MLXIPL: variants seen among roughly 807,000 people sequenced by gnomAD.
The protein encoded by MLXIPL is MLX interacting protein like, also known as carbohydrate-responsive element-binding protein.
Under a neutral mutation model 81.5 loss-of-function variants are expected in MLXIPL, and 49 were observed. The ratio of observed to expected loss-of-function variants is 0.60; its 90% CI spans 0.48 to 0.76. The LOEUF (loss-of-function observed/expected upper bound fraction) is 0.76, where lower values mean the gene tolerates loss of function less well. Ranked by LOEUF, MLXIPL falls within the 30% of genes least tolerant of loss-of-function variation. The pLI is 0.00. For missense variants in MLXIPL, 1,053 were observed against 1,167.0 expected (o/e 0.90, Z 1.42); for synonymous variants, 466 against 485.5 (o/e 0.96, Z 0.53).
At chr7:73,645,134 G>A in the MLXIPL span, among the ~76,000 whole-genome samples, 6 of 152,030 alleles carry the variant, frequency 3.9e-5, no homozygotes, top group South Asian at 2.1e-4. Context: ...TCAAGTGATC[G>A]TCCTGTGTCA....
In MLXIPL at chr7:73,593,760, C is replaced by G. The variant is rs1794034878; in HGVS notation, c.*105G>C. On this transcript the variant is annotated 3_prime_UTR_variant, in exon 17 of 17. Coordinates refer to ENST00000313375, the MANE Select transcript of MLXIPL (RefSeq NM_032951.3). ...TCCACCCCCCAGGGAAGGGCAGAGC[C>G]AGGGCCTGGGGCAGGAAGGGAGTGC... is the stretch of plus-strand genomic sequence containing the variant. 1 of 1,048,480 alleles carries G rather than the reference C, an allele frequency of 9.5e-7. No individual in the cohort carries two copies. The highest frequency in any genetic ancestry group is 1.5e-6 in the Non-Finnish European group (1 of 669,816). 64.9% of individuals were successfully genotyped at this position (1,048,480 alleles called of 1,614,324 possible).
At chr7:73,602,130 G>GCCTGCCTGCCTTCCTTCCTT (rs1461829446) in intron 7 of MLXIPL, among the ~76,000 whole-genome samples, 21 of 80,546 alleles carry the variant, frequency 2.6e-4, no homozygotes, top group African/African-American at 3.8e-4. Flanking sequence ...CTGCCTGCCT[G>GCCTGCCTGCCTTCCTTCCTT]CCTTCCTTCC....
At chr7:73,613,869 G>A (rs1377835495) in intron 2 of MLXIPL, among the ~76,000 whole-genome samples, 1 of 152,140 alleles carries the variant, frequency 6.6e-6, no homozygotes, top group African/African-American at 2.4e-5. Context: ...GGGTGTGGTG[G>A]CTCACGCCTA....
the MLXIPL span, among the ~76,000 whole-genome samples, chr7:73,638,306 ATTTAT>A: frequency 6.6e-6 from 1 of 151,970 alleles, no homozygotes; most frequent in South Asian, 2.1e-4. Context: ...AACACTTTAT[ATTTAT>A]TTTATTTTTT....
At chr7:73,646,820 A>G in the MLXIPL span, among the ~76,000 whole-genome samples, 7 of 152,160 alleles carry the variant, frequency 4.6e-5, no homozygotes, top group East Asian at 1.2e-3. Context: ...TGAGTGTAAG[A>G]TAAGTTCTTG....
the MLXIPL span, among the ~76,000 whole-genome samples, chr7:73,630,084 G>A: frequency 2.0e-5 from 3 of 151,366 alleles, no homozygotes; most frequent in African/African-American, 7.3e-5. Flanking sequence ...TGCAAATTCC[G>A]CCTCTTGGGT....
chr7:73,624,390 G>T lies in MLXIPL; in HGVS notation c.103C>A (p.Arg35=), dbSNP rs782311319. The T allele has an allele frequency of 8.9e-6, 14 of 1,567,262 alleles. No homozygotes were observed. Among genetic ancestry groups the T allele is most frequent in the Non-Finnish European group, 1.1e-5 (13 of 1,162,066 alleles). Residue 35 remains arginine, a synonymous_variant, in exon 1 of 17, where the codon CGG becomes AGG. Transcript: ENST00000313375. ...CGGAGCAAGCCGCCCGCGCTGCGCCGGAGACTCGGGTCCTCCGAGTCTGTG... is the reference window on the plus strand; with the variant it reads ...CGGAGCAAGCCGCCCGCGCTGCGCCTGAGACTCGGGTCCTCCGAGTCTGTG... ...SDTDSEDPSL[R]RSAGGLLRSQ...
At chr7:73,637,748 G>A in the MLXIPL span, among the ~76,000 whole-genome samples, 1 of 152,174 alleles carries the variant, frequency 6.6e-6, no homozygotes, top group East Asian at 1.9e-4. Context: ...TCATGTTCCA[G>A]GCTAGGCTGA....
At chr7:73,620,417 A>AAACAAC (rs1198121862) in intron 1 of MLXIPL, among the ~76,000 whole-genome samples, 3 of 151,322 alleles carry the variant, frequency 2.0e-5, no homozygotes, top group South Asian at 2.1e-4. Flanking sequence ...AACAAACAAA[A>AAACAAC]AACAACAACA....
rs782442244 is a variant in MLXIPL, at chr7:73,596,467, C to T, written c.1835G>A (p.Arg612Gln). 1.5e-5 allele frequency: 24 copies of T among 1,612,734 alleles called. No homozygotes were observed. Among genetic ancestry groups the T allele is most frequent in the Admixed American group, 5.0e-5 (3 of 59,970 alleles). The change falls in exon 12 of 17, where the codon CGG becomes CAG. Residue 612 changes from arginine to glutamine, a missense_variant. By Grantham distance (43) the Arg-to-Gln change is conservative. Around this residue, in one of 3 missense-constraint regions of MLXIPL, gnomAD observed 823 missense variants for 933.0 expected, o/e 0.88. Coordinates refer to ENST00000313375, the MANE Select transcript of MLXIPL (RefSeq NM_032951.3). The surrounding 1 kb of genome is among the most constrained non-coding windows in gnomAD (Gnocchi z 4.7). The stretch of plus-strand genomic sequence containing the variant: ...CATGGAGCTGAGGTCCCCTGACAGC[C>T]GCCGTTCACTGCCTGTGGTAGGGAC... The part of the protein sequence containing the change: ...SPPAPSGSER[R>Q]LSGDLSSMPG...
rs537210233 is a variant in MLXIPL at position 73,595,687 on chromosome 7, A to G, written c.2260T>C (p.Phe754Leu). 6 of 1,614,108 alleles carry G rather than the reference A, an allele frequency of 3.7e-6. No individual in the cohort carries two copies. In the African/African-American group the frequency reaches 8.0e-5, roughly 22 times the overall value. Residue 754 changes from phenylalanine (F) to leucine (L), a missense_variant, in exon 15 of 17, where the codon TTT (phenylalanine) becomes CTT (leucine). Physicochemically the swap from Phe to Leu is conservative, Grantham distance 22. Transcript: ENST00000313375. The stretch of plus-strand genomic sequence containing the variant: ...GTACGGGTTCGGACGTAGTCATCAA[A>G]CATGTCTCGCATCTGGTCAAAACGC... ...HQRFDQMRDM[F>L]DDYVRTRTLH...
chr7:73,624,601 C>A (rs1796611822), upstream of MLXIPL: 4 of 1,387,598 alleles, frequency 2.9e-6, no homozygotes, highest in Non-Finnish European at 3.7e-6. Context: ...ATAGGCCGAT[C>A]GGGTGGGCGG....
the MLXIPL span, among the ~76,000 whole-genome samples, chr7:73,631,557 A>ATTTTTTTTTTTTTTTTTT: frequency 1.2e-5 from 1 of 84,502 alleles, no homozygotes; most frequent in Non-Finnish European, 2.5e-5. Flanking sequence ...GGATGTTGCT[A>ATTTTTTTTTTTTTTTTTT]CTTTTTTTTT....
rs1554593341 is a variant in MLXIPL, at chr7:73,595,646, C to T, written c.2301G>A (p.Lys767=). Residue 767 remains lysine (K), a synonymous_variant, in exon 15 of 17, where the codon AAG becomes AAA. Transcript: ENST00000313375. ...GCTTGAGGGAGGATACCACCCAGAA[C>T]TTCCAGTTGTGCAGCGTACGGGTTC... The part of the protein sequence containing the change: ...YVRTRTLHNW[K]FWVFSILIRP... 1 of 1,614,204 alleles carries T rather than the reference C, an allele frequency of 6.2e-7. No homozygotes were observed. Among genetic ancestry groups the T allele is most frequent in the South Asian group, 1.1e-5 (1 of 91,086 alleles).
At chr7:73,635,604 C>G in the MLXIPL span, among the ~76,000 whole-genome samples, 1 of 151,720 alleles carries the variant, frequency 6.6e-6, no homozygotes, top group Non-Finnish European at 1.5e-5. Flanking sequence ...TTCTATCTAT[C>G]CATCCATCCA....
upstream of MLXIPL, among the ~76,000 whole-genome samples, chr7:73,624,864 C>G (rs1458844973): frequency 6.6e-6 from 1 of 152,048 alleles, no homozygotes; most frequent in Admixed American, 6.6e-5. Context: ...TCGAGACCAG[C>G]CTGAGCAATA....
Position 73,597,162 on chromosome 7 carries a change from TC to T in MLXIPL, c.1603+19del. The T allele has an allele frequency of 6.3e-7, 1 of 1,587,008 alleles. No homozygotes were observed. Among genetic ancestry groups the T allele is most frequent in the South Asian group, 1.1e-5 (1 of 87,866 alleles). On this transcript the variant is annotated intron_variant, in intron 9 of 16. Coordinates refer to ENST00000313375, the MANE Select transcript of MLXIPL (RefSeq NM_032951.3). ...TGGCCTCCCTCCCCAGGCTTTCCTC[TC>T]CCCGTTGCTGGCCCTCACCTGCTGT...
chr7:73,606,194 G>T, intron 5 of MLXIPL, 83 bp from the exon 6 acceptor site: 1 of 1,404,332 alleles, frequency 7.1e-7, no homozygotes, highest in Non-Finnish European at 9.8e-7. Context: ...GGGTCAAGTG[G>T]TCAGCAGGAC....
At chr7:73,633,379 C>T in the MLXIPL span, among the ~76,000 whole-genome samples, 1 of 149,364 alleles carries the variant, frequency 6.7e-6, no homozygotes. Flanking sequence ...AAGTCTCACT[C>T]TGTCACCCAG....
Sources: allele counts gnomAD v4.1 joint callset (sites outside exome capture counted in the v4.1 genomes callset), GRCh38; gene constraint gnomAD v4.1.1; regional missense constraint gnomAD v4.1.1; non-coding constraint Gnocchi (gnomAD v3.1); transcripts MANE v1.5; gene names NCBI Gene and HGNC (gene_info 2026-07-23, HGNC 2026-07-21).